The following SETX variants were observed in gnomAD, a reference collection of about 807,000 sequenced individuals.
SETX encodes senataxin.
A neutral mutation model predicts 227.2 loss-of-function variants in SETX; 90 were observed. The ratio of observed to expected loss-of-function variants is 0.40; its 90% CI spans 0.33 to 0.47. The LOEUF is 0.47. SETX is among the 20% of genes least tolerant of loss of function. The pLI is 0.91. For synonymous variants in SETX, 1,210 were observed against 1,113.2 expected (o/e 1.09, Z -1.73); for missense variants, 3,052 against 3,181.5 (o/e 0.96, Z 0.98).
In SETX at chr9:132,329,695, T is replaced by G; in HGVS notation, c.1903A>C (p.Met635Leu). 1 of 1,614,116 alleles carries G rather than the reference T, an allele frequency of 6.2e-7. No homozygotes were observed. The highest frequency in any genetic ancestry group is 1.1e-5 in the South Asian group (1 of 91,072). Residue 635 changes from methionine (M) to leucine (L), a missense_variant, in exon 10 of 26, where the codon ATG (methionine) becomes CTG (leucine). This residue lies in a region of SETX where 1,483 missense variants were observed against 1,312.0 expected (regional missense o/e 1.13). Coordinates refer to ENST00000224140, the MANE Select transcript of SETX (RefSeq NM_015046.7). ...EQMGKTSRKD[M>L]HCLEASSPTF... ...GGGCTGGAAGCTTCCAAACAATGCA[T>G]ATCTTTTCTAGACGTCTTCCCCATT...
intron 18 of SETX, among the ~76,000 whole-genome samples, chr9:132,285,038 C>T (rs953225432): frequency 3.3e-5 from 5 of 152,086 alleles, no homozygotes; most frequent in East Asian, 1.9e-4. Context: ...ACCACCACGC[C>T]CAGCTAATTT....
At chr9:132,345,322 G>A (rs1448576969) in intron 4 of SETX, among the ~76,000 whole-genome samples, 3 of 152,168 alleles carry the variant, frequency 2.0e-5, no homozygotes, top group Non-Finnish European at 4.4e-5. Flanking sequence ...CACCCAGGCT[G>A]GAGTGCAGTG....
At chr9:132,345,383 C>A (rs1163803945) in intron 4 of SETX, among the ~76,000 whole-genome samples, 1 of 152,234 alleles carries the variant, frequency 6.6e-6, no homozygotes, top group African/African-American at 2.4e-5. Flanking sequence ...AAGTGATTCT[C>A]CTGCCTCAGC....
intron 10 of SETX, among the ~76,000 whole-genome samples, chr9:132,322,458 A>C (rs545530535): frequency 1.3e-5 from 2 of 152,296 alleles, no homozygotes; most frequent in Non-Finnish European, 2.9e-5. Context: ...TGGACAATAC[A>C]TATGAACGGA....
intron 21 of SETX, 53 bp downstream of exon 21, chr9:132,278,017 A>G (rs929179582): frequency 1.9e-5 from 29 of 1,517,018 alleles, no homozygotes; most frequent in Admixed American, 1.0e-4. Context: ...TCTATTCTTC[A>G]TAAGTAGCTA....
At chr9:132,277,528 C>A (rs1364141204) in intron 21 of SETX, among the ~76,000 whole-genome samples, 1 of 152,100 alleles carries the variant, frequency 6.6e-6, no homozygotes, top group Non-Finnish European at 1.5e-5. Context: ...CCTGTAATCC[C>A]AGCACTTTGG....
At chr9:132,304,626 C>T (rs1319882806) in intron 11 of SETX, among the ~76,000 whole-genome samples, 3 of 143,232 alleles carry the variant, frequency 2.1e-5, no homozygotes, top group Non-Finnish European at 3.0e-5. Context: ...GAACAAGACC[C>T]TGTTTCAAAA....
chr9:132,333,117 G>A (rs915737104), intron 7 of SETX, among the ~76,000 whole-genome samples: 41 of 150,904 alleles, frequency 2.7e-4, no homozygotes, highest in African/African-American at 8.3e-4. Context: ...GGTGGCTCAT[G>A]CTTGTAATCC....
rs532061039 is a variant in SETX at position 132,275,445 on chromosome 9, A to T, written c.6936-25T>A. The T allele has an allele frequency of 7.0e-4, 1,114 of 1,582,290 alleles. 17 individuals carry two copies. The South Asian group carries it at 0.011, about 16-fold the overall frequency. Reference sequence around the variant, plus strand: ...GCTAAACAAGATGGAAAAAGAAAACACAGTGTTATCAAAACTAATAGCAGG... The same window carrying T: ...GCTAAACAAGATGGAAAAAGAAAACTCAGTGTTATCAAAACTAATAGCAGG... On this transcript the variant is annotated intron_variant, in intron 22 of 25. Transcript: ENST00000224140.
chr9:132,343,657 G>A (rs1266883711), intron 4 of SETX, among the ~76,000 whole-genome samples: 2 of 152,072 alleles, frequency 1.3e-5, no homozygotes, highest in Admixed American at 6.6e-5. Flanking sequence ...TTGGCTTTAG[G>A]GATGGGGAGG....
chr9:132,280,034 C>T (rs529046366), intron 20 of SETX, among the ~76,000 whole-genome samples: 1 of 152,288 alleles, frequency 6.6e-6, no homozygotes, highest in East Asian at 1.9e-4. Flanking sequence ...GGGATTTTGT[C>T]TGTTTTCTTC....
chr9:132,315,753 T>C (rs1042159388), intron 10 of SETX, among the ~76,000 whole-genome samples: 24 of 152,176 alleles, frequency 1.6e-4, no homozygotes, highest in South Asian at 2.1e-4. Context: ...TCCTTACCCA[T>C]CTCAGGTAGA....
chr9:132,341,889 G>C (rs544423588), intron 5 of SETX, among the ~76,000 whole-genome samples: 1 of 152,064 alleles, frequency 6.6e-6, no homozygotes, highest in African/African-American at 2.4e-5. Context: ...TTCCATTGCT[G>C]GTCCACAGAA....
intron 10 of SETX, among the ~76,000 whole-genome samples, chr9:132,321,654 C>CA (rs57108934): frequency 0.81 from 41,325 of 51,190 alleles, 17,684 homozygotes; most frequent in Non-Finnish European, 0.9. Flanking sequence ...GATACTGTCT[C>CA]AAAAAAAAAA....
chr9:132,340,083 C>T (rs190473260), intron 5 of SETX, among the ~76,000 whole-genome samples: 12 of 152,108 alleles, frequency 7.9e-5, no homozygotes, highest in African/African-American at 2.9e-4. Flanking sequence ...TCTTCTAATA[C>T]AGTCACTCAT....
Position 132,264,988 on chromosome 9 carries a change from T to G in SETX, c.7288-3A>C. 6.2e-7 allele frequency: 1 copy of G among 1,612,930 alleles called. No homozygotes were observed. Among genetic ancestry groups the G allele is most frequent in the Non-Finnish European group, 8.5e-7 (1 of 1,180,016 alleles). ...AGCTGATTCCAATGCTGGTTTTCCT[T>G]GAAACAATGAGAAGGGAGAAATAAT... On this transcript the variant is annotated splice_polypyrimidine_tract_variant and splice_region_variant and intron_variant, in intron 25 of 25. Transcript: ENST00000224140.
At chr9:132,323,374 G>T (rs1229540493) in intron 10 of SETX, among the ~76,000 whole-genome samples, 1 of 152,144 alleles carries the variant, frequency 6.6e-6, no homozygotes, top group Non-Finnish European at 1.5e-5. Context: ...AGTTTGGAAG[G>T]AAATGGAAAG....
chr9:132,296,323 C>A (rs887646832), intron 14 of SETX, among the ~76,000 whole-genome samples: 3 of 152,124 alleles, frequency 2.0e-5, no homozygotes, highest in Non-Finnish European at 4.4e-5. Flanking sequence ...GAGGCCGAGG[C>A]GGGCGGATCA....
At position 132,329,632 on chromosome 9, in the gene SETX, C is replaced by T. The variant is rs761521773; in HGVS notation, c.1966G>A (p.Val656Ile). The change falls in exon 10 of 26, where the codon GTA becomes ATA. Residue 656 changes from valine to isoleucine, a missense_variant. By Grantham distance (29) the Val-to-Ile change is conservative. Coordinates refer to ENST00000224140, the MANE Select transcript of SETX (RefSeq NM_015046.7). ...SKEPMKVQDS[V>I]LIKADNTIEG... ...ATAGTGTTATCTGCTTTGATCAATACACTGTCTTGCACTTTCATTGGTTCT... is the reference window on the plus strand; with the variant it reads ...ATAGTGTTATCTGCTTTGATCAATATACTGTCTTGCACTTTCATTGGTTCT... 1.4e-5 allele frequency: 23 copies of T among 1,613,574 alleles called. No homozygotes were observed. In the East Asian group the frequency reaches 4.9e-4, roughly 34 times the overall value.
Sources: allele counts gnomAD v4.1 joint callset (sites outside exome capture counted in the v4.1 genomes callset), GRCh38; gene constraint gnomAD v4.1.1; regional missense constraint gnomAD v4.1.1; transcripts MANE v1.5; gene names NCBI Gene and HGNC (gene_info 2026-07-23, HGNC 2026-07-21).